SUPT3H: variants seen among roughly 807,000 people sequenced by gnomAD.
SUPT3H encodes SPT3 homolog, SAGA and STAGA complex component.
SUPT3H carries 44 observed loss-of-function variants against 44.3 expected under a neutral mutation model. The observed-to-expected ratio is 0.99, with a 90% CI of 0.78 to 1.28. The LOEUF is 1.28. Among genes scored for constraint, SUPT3H ranks in the 50% most tolerant of loss-of-function variants. The pLI is 0.00. For missense variants in SUPT3H, 380 were observed against 387.1 expected (o/e 0.98, Z 0.15); for synonymous variants, 124 against 125.6 (o/e 0.99, Z 0.09).
chr6:44,869,602 A>G (rs1465414158), intron 10 of SUPT3H, among the ~76,000 whole-genome samples: 1 of 152,168 alleles, frequency 6.6e-6, no homozygotes, highest in Non-Finnish European at 1.5e-5. Context: ...CTACCTACCT[A>G]CCTAAATGCA....
In SUPT3H at chr6:45,296,185, T is replaced by TATATATAC. The variant is rs377152580; in HGVS notation, c.101+69015_101+69016insGTATATAT. Among the ~76,000 whole-genome samples the TATATATAC allele has an allele frequency of 8.5e-5, 12 of 140,454 alleles. No homozygotes were observed. In the South Asian group the frequency reaches 1.2e-3, roughly 14 times the overall value. 92.1% of individuals were successfully genotyped at this position (140,454 alleles called of 152,430 possible). A position where few individuals can be genotyped will look rare whatever the true frequency, so the allele number is the denominator to read the frequency against. On this transcript the variant is annotated intron_variant, in intron 2 of 10. Transcript: ENST00000371459. ...TACATACATATATACATACACATAC[T>TATATATAC]ACACACACACACACACACACACACA...
At chr6:45,333,761 G>C (rs1301039333) in intron 2 of SUPT3H, among the ~76,000 whole-genome samples, 1 of 151,112 alleles carries the variant, frequency 6.6e-6, no homozygotes, top group Non-Finnish European at 1.5e-5. Flanking sequence ...AATACATGAA[G>C]AGAAAAAAAT....
intron 9 of SUPT3H, among the ~76,000 whole-genome samples, chr6:44,950,738 A>C (rs1028895092): frequency 4.6e-5 from 7 of 151,472 alleles, no homozygotes. Context: ...TGCACTGTGT[A>C]TTAACCCACA....
chr6:45,323,106 T>C (rs1272169645), intron 2 of SUPT3H: 2 of 566,606 alleles, frequency 3.5e-6, no homozygotes, highest in African/African-American at 1.9e-5. Flanking sequence ...ACAATTTATA[T>C]ACTGGAATGC....
chr6:45,259,063 A>T (rs1773894790), intron 2 of SUPT3H, among the ~76,000 whole-genome samples: 1 of 152,036 alleles, frequency 6.6e-6, no homozygotes, highest in Non-Finnish European at 1.5e-5. Context: ...TAATAGACAA[A>T]TTTTTTCGGT....
At chr6:45,136,728 T>C (rs917741108) in intron 2 of SUPT3H, among the ~76,000 whole-genome samples, 2 of 151,826 alleles carry the variant, frequency 1.3e-5, no homozygotes, top group African/African-American at 2.4e-5. Flanking sequence ...CACAGATGTA[T>C]AGAAAGTATC....
intron 3 of SUPT3H, among the ~76,000 whole-genome samples, chr6:45,062,951 A>G (rs111577885): frequency 0.055 from 8,352 of 151,846 alleles, 935 homozygotes; most frequent in African/African-American, 0.19. Flanking sequence ...AACTGGGTGG[A>G]GCCCACCACA....
At chr6:45,375,826 T>TA (rs552598332) in intron 1 of SUPT3H, among the ~76,000 whole-genome samples, 4,450 of 145,096 alleles carry the variant, frequency 0.031, 165 homozygotes, top group African/African-American at 0.091. Flanking sequence ...ACACTTGCTT[T>TA]AAAAAAAAAA....
intron 3 of SUPT3H, among the ~76,000 whole-genome samples, chr6:45,053,533 A>G (rs894434104): frequency 6.6e-6 from 1 of 151,918 alleles, no homozygotes; most frequent in Non-Finnish European, 1.5e-5. Flanking sequence ...TTGAGAAAAT[A>G]GCAGAGGCAG....
chr6:45,002,089 T>C (rs963625882), intron 6 of SUPT3H, among the ~76,000 whole-genome samples: 3 of 152,102 alleles, frequency 2.0e-5, no homozygotes, highest in African/African-American at 7.2e-5. Flanking sequence ...TTTGTACATA[T>C]GAAGATTTTC....
intron 3 of SUPT3H, among the ~76,000 whole-genome samples, chr6:45,101,195 G>T (rs994471711): frequency 3.3e-5 from 5 of 152,346 alleles, no homozygotes; most frequent in South Asian, 2.1e-4. Context: ...GGAGGCCAAG[G>T]CAGACAAATC....
At chr6:45,237,743 T>C (rs775357430) in intron 2 of SUPT3H, among the ~76,000 whole-genome samples, 16 of 152,268 alleles carry the variant, frequency 1.1e-4, no homozygotes, top group Non-Finnish European at 1.8e-4. Context: ...ACTTAGTTCC[T>C]GAACAATTAG....
chr6:45,307,400 G>C (rs1382036390), intron 2 of SUPT3H, among the ~76,000 whole-genome samples: 1 of 152,158 alleles, frequency 6.6e-6, no homozygotes, highest in Admixed American at 6.5e-5. Context: ...CATACGGCTG[G>C]GTACCCCTCT....
Position 44,957,235 on chromosome 6 carries a change from C to G in SUPT3H, c.581-2628G>C, listed in dbSNP as rs540195965. 2.6e-5 allele frequency among the ~76,000 whole-genome samples: 4 copies of G among 152,222 alleles called. No individual in the cohort carries two copies. The South Asian group carries it at 8.3e-4, about 32-fold the overall frequency. On this transcript the variant is annotated intron_variant, in intron 7 of 10. Coordinates refer to ENST00000371459, the MANE Select transcript of SUPT3H (RefSeq NM_003599.4). The stretch of plus-strand genomic sequence containing the variant: ...CCTTCTATATAGAATCTTCAGGATT[C>G]CACATACAGAAGAGTTCTCTTTTAA...
Position 45,277,399 on chromosome 6 carries a change from T to C in SUPT3H, c.101+87802A>G, listed in dbSNP as rs550081936. Among the ~76,000 whole-genome samples, 6 of 152,204 alleles carry C rather than the reference T, an allele frequency of 3.9e-5. No homozygotes were observed. In the South Asian group the frequency reaches 1.2e-3, roughly 31 times the overall value. On this transcript the variant is annotated intron_variant, in intron 2 of 10. Transcript: ENST00000371459. Reference sequence around the variant, plus strand: ...GCTACAATAAACGTACAGGTTTATATGGAATATATCCCAGAAGAAAAGAGA... The same window carrying C: ...GCTACAATAAACGTACAGGTTTATACGGAATATATCCCAGAAGAAAAGAGA...
chr6:45,002,059 A>T (rs537259245), intron 6 of SUPT3H, among the ~76,000 whole-genome samples: 1 of 152,208 alleles, frequency 6.6e-6, no homozygotes, highest in East Asian at 1.9e-4. Flanking sequence ...AGCTTAACGA[A>T]GTTGCCAGTC....
intron 3 of SUPT3H, among the ~76,000 whole-genome samples, chr6:45,094,067 A>G (rs1479069246): frequency 1.3e-5 from 2 of 152,180 alleles, no homozygotes; most frequent in Non-Finnish European, 2.9e-5. Context: ...GCCTATCTCT[A>G]TTAAGACATG....
chr6:44,854,764 A>G (rs934013014), intron 10 of SUPT3H, among the ~76,000 whole-genome samples: 3 of 152,244 alleles, frequency 2.0e-5, no homozygotes, highest in Non-Finnish European at 2.9e-5. Flanking sequence ...TATTATTCAT[A>G]TGAAAGATAA....
At chr6:45,242,000 C>G (rs937008535) in intron 2 of SUPT3H, among the ~76,000 whole-genome samples, 1 of 152,106 alleles carries the variant, frequency 6.6e-6, no homozygotes, top group African/African-American at 2.4e-5. Flanking sequence ...AATAAGAAAC[C>G]AATCAATTAC....
Sources: allele counts gnomAD v4.1 joint callset (sites outside exome capture counted in the v4.1 genomes callset), GRCh38; gene constraint gnomAD v4.1.1; transcripts MANE v1.5; gene names NCBI Gene and HGNC (gene_info 2026-07-23, HGNC 2026-07-21).